GRIK2: variants seen among roughly 807,000 people sequenced by gnomAD.
GRIK2 encodes the protein glutamate ionotropic receptor kainate type subunit 2.
A neutral mutation model predicts 100.3 loss-of-function variants in GRIK2; 32 were observed. The ratio of observed to expected loss-of-function variants is 0.32; its 90% CI spans 0.24 to 0.43. The LOEUF (loss-of-function observed/expected upper bound fraction) is 0.43. Ranked by LOEUF, GRIK2 falls within the 20% of genes least tolerant of loss-of-function variation. The pLI, the probability that GRIK2 is intolerant of heterozygous loss-of-function variation, is 1.00. For synonymous variants in GRIK2, 417 were observed against 389.4 expected (o/e 1.07, Z -0.83); for missense variants, 843 against 1,114.9 (o/e 0.76, Z 3.47).
At chr6:101,883,253 A>T (rs12207293) in intron 11 of GRIK2, among the ~76,000 whole-genome samples, 5,420 of 149,832 alleles carry the variant, frequency 0.036, 142 homozygotes, top group Non-Finnish European at 0.057. Context: ...AAAAAAAATC[A>T]ATGAAAATAC....
intron 2 of GRIK2, among the ~76,000 whole-genome samples, chr6:101,467,918 A>G (rs1310854005): frequency 7.0e-6 from 1 of 143,072 alleles, no homozygotes; most frequent in Non-Finnish European, 1.5e-5. Context: ...CATTTTTTGC[A>G]TGCCCACGAT....
chr6:101,921,842 A>T (rs969045505), intron 12 of GRIK2, among the ~76,000 whole-genome samples: 2 of 152,152 alleles, frequency 1.3e-5, no homozygotes. Flanking sequence ...TTGGAAATTC[A>T]TATTGGAGAC....
rs966522530 is a variant in GRIK2, at chr6:101,901,462, T to C, written c.1748+11599T>C. Among the ~76,000 whole-genome samples, 4 of 151,322 alleles carry C rather than the reference T, an allele frequency of 2.6e-5. No individual in the cohort carries two copies. The East Asian group carries it at 7.7e-4, about 29-fold the overall frequency. ...TTATGACTTTTCTTCAGAAATCTTA[T>C]TATAAAATGATCAATAGATGATTAT... On this transcript the variant is annotated intron_variant, in intron 12 of 16. Transcript: ENST00000369134.
chr6:101,479,265 G>C (rs1170520176), intron 2 of GRIK2, among the ~76,000 whole-genome samples: 1 of 151,972 alleles, frequency 6.6e-6, no homozygotes, highest in Non-Finnish European at 1.5e-5. Context: ...AACTTTATTA[G>C]CATTGATCAT....
At chr6:101,458,903 G>A (rs907265000) in intron 2 of GRIK2, among the ~76,000 whole-genome samples, 1 of 152,108 alleles carries the variant, frequency 6.6e-6, no homozygotes, top group African/African-American at 2.4e-5. Flanking sequence ...AATTTAAAAA[G>A]TAAAAGTGTT....
intron 2 of GRIK2, among the ~76,000 whole-genome samples, chr6:101,463,631 C>T (rs1004059131): frequency 2.0e-5 from 3 of 152,044 alleles, no homozygotes; most frequent in Non-Finnish European, 2.9e-5. Context: ...AATTCTTTCT[C>T]AGTAAACCAC....
chr6:102,044,699 C>A (rs1247308639), intron 15 of GRIK2, among the ~76,000 whole-genome samples: 2 of 151,910 alleles, frequency 1.3e-5, no homozygotes, highest in African/African-American at 4.8e-5. Context: ...GGTGGGGACA[C>A]AGAGCCAAAC....
chr6:101,968,859 C>A (rs924280884), intron 14 of GRIK2, among the ~76,000 whole-genome samples: 1 of 151,940 alleles, frequency 6.6e-6, no homozygotes, highest in Non-Finnish European at 1.5e-5. Flanking sequence ...CCCTTATCTT[C>A]ATAATAGATG....
intron 4 of GRIK2, among the ~76,000 whole-genome samples, chr6:101,652,184 C>G (rs1781830678): frequency 1.3e-5 from 2 of 152,072 alleles, no homozygotes; most frequent in African/African-American, 4.8e-5. Flanking sequence ...TGTGTTCCCC[C>G]TAAATTCATA....
At chr6:101,501,824 C>T (rs577582782) in intron 2 of GRIK2, among the ~76,000 whole-genome samples, 100 of 152,244 alleles carry the variant, frequency 6.6e-4, no homozygotes, top group African/African-American at 2.3e-3. Flanking sequence ...CTGGCTTGAT[C>T]TCTGCTCACT....
At chr6:102,008,107 T>C (rs1795336387) in intron 14 of GRIK2, among the ~76,000 whole-genome samples, 1 of 152,018 alleles carries the variant, frequency 6.6e-6, no homozygotes, top group Non-Finnish European at 1.5e-5. Flanking sequence ...AAAAGTAAAG[T>C]GTTTTATGCC....
At chr6:101,487,280 T>C (rs549084108) in intron 2 of GRIK2, among the ~76,000 whole-genome samples, 5 of 146,632 alleles carry the variant, frequency 3.4e-5, no homozygotes, top group South Asian at 4.3e-4. Flanking sequence ...TTTATTTCCA[T>C]GAAACACTGG....
chr6:102,043,726 T>C (rs542253815), intron 15 of GRIK2, among the ~76,000 whole-genome samples: 2 of 89,550 alleles, frequency 2.2e-5, no homozygotes, highest in Admixed American at 2.3e-4. Flanking sequence ...TAACGGAATG[T>C]GCACATCTCT....
intron 2 of GRIK2, among the ~76,000 whole-genome samples, chr6:101,530,305 ATTC>A (rs150232066): frequency 0.17 from 25,178 of 151,942 alleles, 2,429 homozygotes; most frequent in South Asian, 0.31. Context: ...AGTTTTACCT[ATTC>A]TTTGCATTTT....
intron 14 of GRIK2, among the ~76,000 whole-genome samples, chr6:101,962,281 A>G (rs920837956): frequency 4.6e-5 from 7 of 151,664 alleles, no homozygotes; most frequent in Non-Finnish European, 7.4e-5. Flanking sequence ...CTAACTGGCA[A>G]CTCTGGTTCT....
At chr6:101,641,594 T>C (rs1207230259) in intron 4 of GRIK2, among the ~76,000 whole-genome samples, 1 of 151,922 alleles carries the variant, frequency 6.6e-6, no homozygotes, top group East Asian at 1.9e-4. Context: ...ACTAGATCAA[T>C]ATTTAAAATA....
chr6:101,938,817 A>G (rs1419397713), intron 14 of GRIK2, among the ~76,000 whole-genome samples: 3 of 152,034 alleles, frequency 2.0e-5, no homozygotes, highest in Non-Finnish European at 4.4e-5. Context: ...TCCATCTTAA[A>G]TCTATTTAGA....
At chr6:101,601,214 CT>C (rs1779198763) in intron 2 of GRIK2, among the ~76,000 whole-genome samples, 1 of 146,504 alleles carries the variant, frequency 6.8e-6, no homozygotes, top group Non-Finnish European at 1.5e-5. Context: ...GGTTTTAAAT[CT>C]TTTTATATGG....
At chr6:101,750,496 C>A (rs923819758) in intron 7 of GRIK2, among the ~76,000 whole-genome samples, 18 of 152,112 alleles carry the variant, frequency 1.2e-4, no homozygotes, top group African/African-American at 4.3e-4. Flanking sequence ...TAGAGGAATC[C>A]TTTGTCCTCT....
Sources: gnomAD v4.1 joint callset for allele counts (sites outside exome capture counted in the v4.1 genomes callset) on GRCh38, gnomAD v4.1.1 for gene constraint, MANE v1.5 for transcripts, NCBI Gene and HGNC (gene_info 2026-07-23, HGNC 2026-07-21) for gene names.